FRMPD1: variants seen among roughly 807,000 people sequenced by gnomAD.
FRMPD1 encodes the protein FERM and PDZ domain containing 1.
In FRMPD1, 76 loss-of-function variants were observed where a neutral mutation model predicts 117.8. That is an observed-to-expected ratio of 0.65 (90% confidence interval 0.54 to 0.78). FRMPD1 has a LOEUF of 0.78. Ranked by LOEUF, FRMPD1 falls within the 30% of genes least tolerant of loss-of-function variation. The pLI, the probability that FRMPD1 is intolerant of heterozygous loss-of-function variation, is 0.00. For synonymous variants in FRMPD1, 783 were observed against 770.4 expected (o/e 1.02, Z -0.27); for missense variants, 1,786 against 1,964.5 (o/e 0.91, Z 1.72).
rs1205725912 is a variant in FRMPD1 at position 37,733,466 on chromosome 9, A to C, written c.996-7A>C. 1 of 1,611,850 alleles carries C rather than the reference A, an allele frequency of 6.2e-7. No individual in the cohort carries two copies. The highest frequency in any genetic ancestry group is 1.3e-5 in the African/African-American group (1 of 74,746). On this transcript the variant is annotated splice_polypyrimidine_tract_variant and splice_region_variant and intron_variant, in intron 10 of 15. Coordinates refer to ENST00000377765, the MANE Select transcript of FRMPD1 (RefSeq NM_014907.3). Reference sequence around the variant, plus strand: ...TGGGCCTCCTTGTCTCCAATGTCTCATGGCAGGAAAGACTGGGGAATAGAG... The same window carrying C: ...TGGGCCTCCTTGTCTCCAATGTCTCCTGGCAGGAAAGACTGGGGAATAGAG...
intron 1 of FRMPD1, among the ~76,000 whole-genome samples, chr9:37,663,596 T>C (rs1008883581): frequency 3.9e-5 from 6 of 152,254 alleles, no homozygotes; most frequent in Non-Finnish European, 7.3e-5. Context: ...CTCCTAGTTA[T>C]CTTTCAATTC....
At chr9:37,655,254 C>T (rs1347328761) in intron 1 of FRMPD1, among the ~76,000 whole-genome samples, 2 of 152,194 alleles carry the variant, frequency 1.3e-5, no homozygotes, top group East Asian at 1.9e-4. Context: ...TGACCAAGCC[C>T]TGTTATTTTT....
intron 1 of FRMPD1, among the ~76,000 whole-genome samples, chr9:37,685,637 G>GC (rs1821910690): frequency 6.6e-6 from 1 of 151,602 alleles, no homozygotes; most frequent in Non-Finnish European, 1.5e-5. Context: ...AGGCGAGAAA[G>GC]CGAGACTCCG....
chr9:37,744,291 C>T, intron 15 of FRMPD1, 98 bp from the exon 16 acceptor site: 1 of 839,234 alleles, frequency 1.2e-6, no homozygotes, highest in Non-Finnish European at 1.9e-6. Flanking sequence ...ACAGCCTAGC[C>T]AGAATTTAAA....
In FRMPD1 at chr9:37,744,781, G is replaced by A; in HGVS notation, c.2749G>A (p.Ala917Thr). The A allele has an allele frequency of 6.2e-7, 1 of 1,614,148 alleles. No homozygotes were observed. The highest frequency in any genetic ancestry group is 1.6e-4 in the Middle Eastern group (1 of 6,062). ...GAGGGAGACCAAGAGCACAAACCCA[G>A]CCTCCAGGGTCATGGAGATGGAGCC... Reference protein sequence around the residue: ...PLRETKSTNPASRVMEMEPET... With the variant: ...PLRETKSTNPTSRVMEMEPET... The change falls in exon 16 of 16, where the codon GCC (alanine) becomes ACC (threonine). Residue 917 changes from alanine to threonine, a missense_variant. Transcript: ENST00000377765.
chr9:37,731,210 ATTCTC>A, intron 9 of FRMPD1, 107 bp downstream of exon 9: 1 of 959,680 alleles, frequency 1.0e-6, no homozygotes, highest in Non-Finnish European at 1.7e-6. Context: ...CCTGGTAGGG[ATTCTC>A]TTTATCTGAA....
intron 7 of FRMPD1, among the ~76,000 whole-genome samples, chr9:37,728,552 C>A (rs192851870): frequency 2.0e-5 from 3 of 152,178 alleles, no homozygotes; most frequent in Non-Finnish European, 4.4e-5. Flanking sequence ...AAGAGTGTGG[C>A]GTGGCAACCA....
the FRMPD1 span, among the ~76,000 whole-genome samples, chr9:37,622,739 A>G: frequency 2.0e-5 from 3 of 152,218 alleles, no homozygotes; most frequent in African/African-American, 7.2e-5. Context: ...AAATTCAATC[A>G]CCCCAAAATA....
chr9:37,647,142 C>T (rs77076537), upstream of FRMPD1, among the ~76,000 whole-genome samples: 6,007 of 152,086 alleles, frequency 0.039, 415 homozygotes, highest in African/African-American at 0.14. Flanking sequence ...ATATCTTGTT[C>T]TATATTAATA....
the FRMPD1 span, among the ~76,000 whole-genome samples, chr9:37,632,872 A>G: frequency 6.7e-6 from 1 of 150,202 alleles, no homozygotes; most frequent in Admixed American, 6.6e-5. Context: ...GACAGGTTAA[A>G]AAAATCCCCA....
chr9:37,672,325 T>C (rs1425363083), intron 1 of FRMPD1, among the ~76,000 whole-genome samples: 1 of 152,024 alleles, frequency 6.6e-6, no homozygotes, highest in Non-Finnish European at 1.5e-5. Context: ...AAGGAAGAGA[T>C]CCACTAGGTC....
At chr9:37,679,938 T>C (rs1821664266) in intron 1 of FRMPD1, among the ~76,000 whole-genome samples, 1 of 152,160 alleles carries the variant, frequency 6.6e-6, no homozygotes, top group Non-Finnish European at 1.5e-5. Context: ...GCCTTACAGA[T>C]CACATCAACA....
the FRMPD1 span, among the ~76,000 whole-genome samples, chr9:37,636,077 C>T: frequency 6.6e-6 from 1 of 152,200 alleles, no homozygotes; most frequent in Non-Finnish European, 1.5e-5. Context: ...CGCCGCTACC[C>T]GCCCAGCCGC....
intron 2 of FRMPD1, among the ~76,000 whole-genome samples, chr9:37,698,549 CTTTTTTTTTTTTTTTT>C (rs531498194): frequency 1.3e-5 from 1 of 74,594 alleles, no homozygotes; most frequent in African/African-American, 6.7e-5. Flanking sequence ...ATCTCATTAT[CTTTTTTTTTTTTTTTT>C]TTTTTTTTTT....
At chr9:37,725,815 A>G (rs953808463) in intron 7 of FRMPD1, among the ~76,000 whole-genome samples, 1 of 152,270 alleles carries the variant, frequency 6.6e-6, no homozygotes, top group African/African-American at 2.4e-5. Context: ...AAGATCAGCT[A>G]GCTCATAACT....
chr9:37,694,207 G>A (rs535908523), intron 2 of FRMPD1, among the ~76,000 whole-genome samples: 3 of 152,302 alleles, frequency 2.0e-5, no homozygotes, highest in African/African-American at 7.2e-5. Flanking sequence ...TCCATTAAAA[G>A]AGATTCTGTG....
intron 2 of FRMPD1, among the ~76,000 whole-genome samples, chr9:37,701,311 G>A (rs1023114616): frequency 3.9e-5 from 6 of 152,194 alleles, no homozygotes; most frequent in African/African-American, 1.4e-4. Context: ...CAGCACATGG[G>A]ACAAGAAATA....
chr9:37,637,964 C>CTTTTTTTTCTTTCTTTCTTTCTTTA, the FRMPD1 span, among the ~76,000 whole-genome samples: 6 of 32,152 alleles, frequency 1.9e-4, no homozygotes, highest in Non-Finnish European at 4.6e-4. Context: ...ATGGTGTATG[C>CTTTTTTTTCTTTCTTTCTTTCTTTA]TTTCTTTCTT....
chr9:37,698,821 C>CTCTG (rs1233816187), intron 2 of FRMPD1, among the ~76,000 whole-genome samples: 2 of 152,150 alleles, frequency 1.3e-5, no homozygotes, highest in African/African-American at 4.8e-5. Context: ...TCACCGCAAC[C>CTCTG]TCTGCCTCAT....
Sources: allele counts gnomAD v4.1 joint callset (sites outside exome capture counted in the v4.1 genomes callset), GRCh38; gene constraint gnomAD v4.1.1; transcripts MANE v1.5; gene names NCBI Gene and HGNC (gene_info 2026-07-23, HGNC 2026-07-21).